The following MYLK4 variants were observed in gnomAD, a reference collection of about 807,000 sequenced individuals.
MYLK4 encodes myosin light chain kinase family member 4.
MYLK4 carries 46 observed loss-of-function variants against 48.1 expected under a neutral mutation model. The observed-to-expected ratio is 0.96, with a 90% CI of 0.75 to 1.22. MYLK4 has a LOEUF of 1.22. Ranked by LOEUF, MYLK4 falls within the 50% of genes most tolerant of loss-of-function variation. The probability of loss-of-function intolerance (pLI) is 0.00; values close to 1 mark genes in which losing one functional copy is unlikely to be tolerated. For missense variants in MYLK4, 451 were observed against 486.1 expected, an observed-to-expected ratio of 0.93 and a Z score of 0.68; for synonymous variants, 170 against 180.8, an observed-to-expected ratio of 0.94 and a Z score of 0.48.
intron 2 of MYLK4, among the ~76,000 whole-genome samples, chr6:2,697,590 C>T (rs896984900): frequency 2.6e-5 from 4 of 152,118 alleles, no homozygotes; most frequent in Admixed American, 1.3e-4. Flanking sequence ...CTGAGAGTGG[C>T]GGAATAGCTG....
intron 2 of MYLK4, among the ~76,000 whole-genome samples, chr6:2,725,236 T>C (rs570599640): frequency 4.6e-5 from 7 of 152,196 alleles, no homozygotes; most frequent in South Asian, 2.1e-4. Context: ...AGTGAGAGGA[T>C]TGCTTGAGGC....
chr6:2,719,759 G>A (rs1763001657), intron 2 of MYLK4, among the ~76,000 whole-genome samples: 1 of 152,110 alleles, frequency 6.6e-6, no homozygotes, highest in African/African-American at 2.4e-5. Flanking sequence ...TGTAAATTCA[G>A]TAACACAAAT....
chr6:2,761,028 C>T, the MYLK4 span, among the ~76,000 whole-genome samples: 1 of 152,156 alleles, frequency 6.6e-6, no homozygotes, highest in African/African-American at 2.4e-5. Context: ...AACTGTCCAG[C>T]ATACCTTAGG....
At chr6:2,743,781 C>T (rs1763975958) in intron 2 of MYLK4, 1 of 396,038 alleles carries the variant, frequency 2.5e-6, no homozygotes, top group East Asian at 3.6e-5. Flanking sequence ...AAGACCAGGG[C>T]CCTGGGCAAA....
At chr6:2,766,332 A>G in the MYLK4 span, 1 of 1,610,866 alleles carries the variant, frequency 6.2e-7, no homozygotes, top group Non-Finnish European at 8.5e-7. Flanking sequence ...GACACGCTGC[A>G]GGATTACTTC....
rs564354261 is a variant in MYLK4, at chr6:2,677,758, G to A, written c.1040+462C>T. On this transcript the variant is annotated intron_variant, in intron 10 of 12. Transcript: ENST00000274643. ...GCAAACCACGTGGGATCTTCTACCC[G>A]ATTTCTGCCTCATGGAGTTGGGGTC... Among the ~76,000 whole-genome samples, 9 of 152,288 alleles carry A rather than the reference G, an allele frequency of 5.9e-5. No individual in the cohort carries two copies. In the South Asian group the frequency reaches 1.0e-3, roughly 18 times the overall value.
At chr6:2,757,567 A>G in the MYLK4 span, among the ~76,000 whole-genome samples, 6 of 152,192 alleles carry the variant, frequency 3.9e-5, no homozygotes, top group Middle Eastern at 3.4e-3. Flanking sequence ...ACACTGAAAT[A>G]GAACCTATGT....
At chr6:2,700,165 G>A (rs774520222) in intron 2 of MYLK4, among the ~76,000 whole-genome samples, 1 of 151,788 alleles carries the variant, frequency 6.6e-6, no homozygotes, top group Non-Finnish European at 1.5e-5. Context: ...ACTTGAGGCC[G>A]CTCTTTCTTT....
upstream of MYLK4, among the ~76,000 whole-genome samples, chr6:2,751,155 C>T (rs1224210583): frequency 6.6e-6 from 1 of 152,186 alleles, no homozygotes; most frequent in Non-Finnish European, 1.5e-5. Flanking sequence ...ATTTACAAAG[C>T]TAGATTTGTC....
chr6:2,690,203 C>A (rs1263583642), intron 3 of MYLK4, among the ~76,000 whole-genome samples: 1 of 152,216 alleles, frequency 6.6e-6, no homozygotes, highest in African/African-American at 2.4e-5. Flanking sequence ...CTCCCTGAGT[C>A]GGCCCCGGGA....
At chr6:2,766,293 G>A in the MYLK4 span, 2 of 1,601,828 alleles carry the variant, frequency 1.2e-6, no homozygotes, top group South Asian at 1.1e-5. Flanking sequence ...ATGCTACAGG[G>A]CAAGCCGCTG....
intron 2 of MYLK4, among the ~76,000 whole-genome samples, chr6:2,707,378 A>G (rs767275866): frequency 3.3e-5 from 5 of 152,206 alleles, no homozygotes; most frequent in African/African-American, 1.2e-4. Context: ...GATTTAATTC[A>G]GTTATACAGC....
chr6:2,762,721 G>A, the MYLK4 span, among the ~76,000 whole-genome samples: 1 of 152,200 alleles, frequency 6.6e-6, no homozygotes, highest in Non-Finnish European at 1.5e-5. Flanking sequence ...ACTGTTAACA[G>A]TTCTTAAACA....
chr6:2,750,112 G>C (rs1414255887), intron 1 of MYLK4, among the ~76,000 whole-genome samples: 1 of 152,202 alleles, frequency 6.6e-6, no homozygotes, highest in Non-Finnish European at 1.5e-5. Context: ...ATTGCATAGA[G>C]AGGCAGGGAG....
the MYLK4 span, chr6:2,768,922 T>A: frequency 6.4e-7 from 1 of 1,561,998 alleles, no homozygotes; most frequent in Non-Finnish European, 8.7e-7. Context: ...GTTGTGAACA[T>A]CAAACAATAT....
At position 2,749,199 on chromosome 6, in the gene MYLK4, C is replaced by T. The variant is rs1764198885; in HGVS notation, c.96G>A (p.Glu32=). ...MAFFQCREEV[E]KVKCFLEKNS... The stretch of plus-strand genomic sequence containing the variant: ...TTTTTTCCAGAAAACACTTCACTTT[C>T]TCCACCTCTTCCCTGCACTGAAAAA... The change falls in exon 2 of 13, where the codon GAG becomes GAA. Residue 32 remains glutamate (E), a synonymous_variant. Coordinates refer to ENST00000274643, the MANE Select transcript of MYLK4 (RefSeq NM_001012418.5). 6.2e-7 allele frequency: 1 copy of T among 1,614,000 alleles called. No individual in the cohort carries two copies. Among genetic ancestry groups the T allele is most frequent in the African/African-American group, 1.3e-5 (1 of 74,918 alleles).
the MYLK4 span, among the ~76,000 whole-genome samples, chr6:2,762,188 G>C: frequency 6.6e-6 from 1 of 152,154 alleles, no homozygotes; most frequent in Non-Finnish European, 1.5e-5. Context: ...GGGATTACCG[G>C]AGTTTATATT....
the MYLK4 span, among the ~76,000 whole-genome samples, chr6:2,757,979 C>T: frequency 1.7e-3 from 254 of 152,246 alleles, 1 homozygote; most frequent in African/African-American, 5.8e-3. Flanking sequence ...TCAGTCTTCC[C>T]GAAACTCAGT....
At chr6:2,698,502 C>T (rs1330265725) in intron 2 of MYLK4, among the ~76,000 whole-genome samples, 2 of 152,206 alleles carry the variant, frequency 1.3e-5, no homozygotes, top group Admixed American at 1.3e-4. Context: ...GACGCTGGGT[C>T]ATGTACCCTG....
Sources: gnomAD v4.1 joint callset for allele counts (sites outside exome capture counted in the v4.1 genomes callset) on GRCh38, gnomAD v4.1.1 for gene constraint, MANE v1.5 for transcripts, NCBI Gene and HGNC (gene_info 2026-07-23, HGNC 2026-07-21) for gene names.